Variants in DHX9 observed in about 807,000 individuals in gnomAD.
The protein encoded by DHX9 is ATP-dependent RNA helicase A.
Under a neutral mutation model 148.7 loss-of-function variants are expected in DHX9, and 27 were observed. The ratio of observed to expected loss-of-function variants is 0.18; its 90% confidence interval spans 0.13 to 0.25. DHX9 has a LOEUF of 0.25. Ranked by LOEUF, DHX9 falls within the 10% of genes least tolerant of loss-of-function variation. The pLI, the probability that DHX9 is intolerant of heterozygous loss-of-function variation, is 1.00. For missense variants in DHX9, 796 were observed against 1,559.6 expected, an observed-to-expected ratio of 0.51 and a Z score of 8.25; for synonymous variants, 529 against 516.6, an observed-to-expected ratio of 1.02 and a Z score of -0.33.
chr1:182,874,936 T>A lies in DHX9; in HGVS notation c.1797T>A (p.Asp599Glu). The A allele has an allele frequency of 6.2e-7, 1 of 1,612,776 alleles. No individual in the cohort carries two copies. The highest frequency in any genetic ancestry group is 8.5e-7 in the Non-Finnish European group (1 of 1,178,908). ...KDKKKKDKDD[D>E]GGEDDDANCN... ...AAAAGAAGAAGGATAAGGATGATGA[T>A]GGTGGTGAGGATGATGATGTAAGTG... The change falls in exon 16 of 28, where the codon GAT becomes GAA. Residue 599 changes from aspartate (D) to glutamate (E), a missense_variant. Asp to Glu is a conservative substitution (Grantham distance 45). This residue lies in a region of DHX9 where 133 missense variants were observed against 223.8 expected (regional missense o/e 0.59). Transcript: ENST00000367549.
At position 182,858,986 on chromosome 1, in the gene DHX9, T is replaced by C. The variant is rs922379690; in HGVS notation, c.1063-54T>C. 19 of 1,611,286 alleles carry C rather than the reference T, an allele frequency of 1.2e-5. No homozygotes were observed. In the Admixed American group the frequency reaches 1.7e-4, roughly 14 times the overall value. On this transcript the variant is annotated intron_variant, in intron 10 of 27. Transcript: ENST00000367549. The stretch of plus-strand genomic sequence containing the variant: ...ATGTCTAGGTAAAAAATGGATTTAT[T>C]TTGAAGCTGAATTATGTGCTTTTGT...
intron 14 of DHX9, among the ~76,000 whole-genome samples, chr1:182,868,120 AAAGGGG>A (rs1276042348): frequency 6.6e-6 from 1 of 152,218 alleles, no homozygotes; most frequent in South Asian, 2.1e-4. Context: ...GTATGCCAGG[AAAGGGG>A]GTCAAAGACC....
chr1:182,886,867 A>C (rs946887263), intron 27 of DHX9, among the ~76,000 whole-genome samples: 3 of 152,238 alleles, frequency 2.0e-5, no homozygotes, highest in African/African-American at 7.2e-5. Flanking sequence ...CCAAAATTCA[A>C]AACCTTTGAG....
intron 3 of DHX9, among the ~76,000 whole-genome samples, chr1:182,848,568 TAA>T (rs1241844230): frequency 6.6e-6 from 1 of 152,144 alleles, no homozygotes; most frequent in African/African-American, 2.4e-5. Flanking sequence ...AGCAGATACT[TAA>T]ATGTTTTTTG....
At chr1:182,859,789 T>A (rs548284179) in intron 11 of DHX9, among the ~76,000 whole-genome samples, 102 of 152,200 alleles carry the variant, frequency 6.7e-4, no homozygotes, top group African/African-American at 2.3e-3. Context: ...ATTTTTGTAT[T>A]TTTAGTAGAG....
chr1:182,870,355 A>G (rs186767322), intron 14 of DHX9, among the ~76,000 whole-genome samples: 5 of 152,370 alleles, frequency 3.3e-5, no homozygotes, highest in Admixed American at 3.3e-4. Context: ...CCAAATAGCC[A>G]GTATTTCTAA....
At position 182,878,024 on chromosome 1, in the gene DHX9, G is replaced by A. The variant is rs770608120; in HGVS notation, c.2202G>A (p.Gln734=). 8 of 1,614,028 alleles carry A rather than the reference G, an allele frequency of 5.0e-6. No individual in the cohort carries two copies. The highest frequency in any genetic ancestry group is 5.9e-6 in the Non-Finnish European group (7 of 1,180,024). Residue 734 remains glutamine (Q), a synonymous_variant, in exon 20 of 28, where the codon CAG becomes CAA. Coordinates refer to ENST00000367549, the MANE Select transcript of DHX9 (RefSeq NM_001357.5). ...TTAACCACTTTTTCCTATGTAGGCA[G>A]AAAGTGAAACTCTTCACTGCTCACA... ...DVVYVIDSCK[Q]KVKLFTAHNN... is the part of the protein sequence containing the mutation.
intron 4 of DHX9, among the ~76,000 whole-genome samples, chr1:182,852,798 C>T (rs142685473): frequency 5.2e-4 from 79 of 152,220 alleles, no homozygotes; most frequent in African/African-American, 1.8e-3. Context: ...AACCTAGCAG[C>T]GACATTAATT....
chr1:182,840,502 G>GT (rs2102583958), intron 1 of DHX9, among the ~76,000 whole-genome samples: 1 of 152,196 alleles, frequency 6.6e-6, no homozygotes, highest in South Asian at 2.1e-4. Context: ...GTTTCATCAT[G>GT]TTGGCCAGGA....
intron 14 of DHX9, 96 bp from the exon 15 acceptor site, chr1:182,872,241 T>C: frequency 9.8e-7 from 1 of 1,015,932 alleles, no homozygotes; most frequent in Non-Finnish European, 1.4e-6. Flanking sequence ...AGAAACTGAA[T>C]TTAATTGATG....
In DHX9 at chr1:182,879,292, G is replaced by A. The variant is rs978186163; in HGVS notation, c.2394G>A (p.Leu798=). The A allele has an allele frequency of 2.0e-6, 3 of 1,538,162 alleles. No individual in the cohort carries two copies. In the South Asian group the frequency reaches 3.7e-5, roughly 19 times the overall value. ...HMTPEMFRTP[L]HEIALSIKLL... is the part of the protein sequence containing the mutation. ...CACCAGAGATGTTCCGAACACCATT[G>A]CATGAAATTGCTCTTAGCATAAAAC... Residue 798 remains leucine, a synonymous_variant, in exon 21 of 28, where the codon TTG becomes TTA. Transcript: ENST00000367549.
chr1:182,851,771 AAG>A (rs887564698), intron 3 of DHX9, among the ~76,000 whole-genome samples: 25 of 152,318 alleles, frequency 1.6e-4, no homozygotes, highest in Admixed American at 1.3e-3. Flanking sequence ...ATGATCTTAT[AAG>A]AGAAAAATAT....
intron 15 of DHX9, among the ~76,000 whole-genome samples, chr1:182,874,299 A>G (rs1648670319): frequency 6.6e-6 from 1 of 152,230 alleles, no homozygotes; most frequent in Non-Finnish European, 1.5e-5. Flanking sequence ...GGAGTAAGTC[A>G]TATTGATAGG....
chr1:182,847,466 T>G (rs1240195782), intron 3 of DHX9, among the ~76,000 whole-genome samples: 1 of 152,150 alleles, frequency 6.6e-6, no homozygotes, highest in Non-Finnish European at 1.5e-5. Flanking sequence ...CTCACCTCAG[T>G]TTTCTGATCA....
chr1:182,843,803 C>G (rs1667974345), intron 3 of DHX9, among the ~76,000 whole-genome samples: 1 of 152,142 alleles, frequency 6.6e-6, no homozygotes, highest in African/African-American at 2.4e-5. Flanking sequence ...TTGACACTCC[C>G]CCTGCCCCGT....
intron 3 of DHX9, among the ~76,000 whole-genome samples, chr1:182,846,338 G>T (rs1668029566): frequency 6.6e-6 from 1 of 151,874 alleles, no homozygotes; most frequent in Non-Finnish European, 1.5e-5. Context: ...CCGGGTTCAA[G>T]CGATTCTCCT....
At chr1:182,886,157 A>ATTTATT (rs796168631) in intron 27 of DHX9, among the ~76,000 whole-genome samples, 342 of 150,796 alleles carry the variant, frequency 2.3e-3, no homozygotes, top group Non-Finnish European at 3.6e-3. Context: ...GATTACAGTC[A>ATTTATT]TTTATTTTTA....
At position 182,884,758 on chromosome 1, in the gene DHX9, C is replaced by T; in HGVS notation, c.3406C>T (p.Arg1136Cys). The T allele has an allele frequency of 6.2e-7, 1 of 1,614,080 alleles. No homozygotes were observed. Among genetic ancestry groups the T allele is most frequent in the Non-Finnish European group, 8.5e-7 (1 of 1,180,038 alleles). Residue 1136 changes from arginine (R) to cysteine (C), a missense_variant, in exon 27 of 28, where the codon CGT (arginine) becomes TGT (cysteine). Physicochemically the swap from Arg to Cys is radical, Grantham distance 180. Around this residue, in one of 14 missense-constraint regions of DHX9, gnomAD observed 86 missense variants for 156.3 expected, o/e 0.55. Transcript: ENST00000367549. ...AAATGAACGTATGCTGAACATGATC[C>T]GTCAGATCTCTAGACCCTCAGCTGC... ...PVNERMLNMI[R>C]QISRPSAAGI...
At position 182,887,216 on chromosome 1, in the gene DHX9, T is replaced by C. The variant is rs1041734031; in HGVS notation, c.3595T>C (p.Tyr1199His). The C allele has an allele frequency of 6.8e-6, 11 of 1,613,748 alleles. No homozygotes were observed. The highest frequency in any genetic ancestry group is 8.5e-6 in the Non-Finnish European group (10 of 1,179,730). The change falls in exon 28 of 28, where the codon TAT becomes CAT. Residue 1199 changes from tyrosine (Y) to histidine (H), a missense_variant. Physicochemically the swap from Tyr to His is moderately conservative, Grantham distance 83. This residue lies in a region of DHX9 where 98 missense variants were observed against 105.5 expected (regional missense o/e 0.93). Coordinates refer to ENST00000367549, the MANE Select transcript of DHX9 (RefSeq NM_001357.5). ...YSSGGYGSGG[Y>H]GGSANSFRAG... Reference sequence around the variant, plus strand: ...CAGTGGAGGCTATGGTAGCGGAGGCTATGGTGGCAGCGCCAACTCCTTTCG... The same window carrying C: ...CAGTGGAGGCTATGGTAGCGGAGGCCATGGTGGCAGCGCCAACTCCTTTCG...
Sources: gnomAD v4.1 joint callset for allele counts (sites outside exome capture counted in the v4.1 genomes callset) on GRCh38, gnomAD v4.1.1 for gene constraint, gnomAD v4.1.1 regional missense constraint, MANE v1.5 for transcripts, NCBI Gene and HGNC (gene_info 2026-07-23, HGNC 2026-07-21) for gene names.